The following TMEM192 variants were observed in gnomAD, a reference collection of about 807,000 sequenced individuals.
TMEM192 encodes transmembrane protein 192.
A neutral mutation model predicts 26.7 loss-of-function variants in TMEM192; 20 were observed. The ratio of observed to expected loss-of-function variants is 0.75; its 90% CI spans 0.53 to 1.09. The LOEUF is 1.09. Ranked by LOEUF, TMEM192 falls within the 50% of genes least tolerant of loss-of-function variation. TMEM192 has a pLI of 0.00. For synonymous variants in TMEM192, 124 were observed against 121.0 expected, an observed-to-expected ratio of 1.02 and a Z score of -0.16; for missense variants, 304 against 322.6, an observed-to-expected ratio of 0.94 and a Z score of 0.44.
Position 165,079,617 on chromosome 4 carries a change from C to G in TMEM192, c.*41G>C. Reference sequence around the variant, plus strand: ...TCAGGTGGTCAGTCAGTCTCAATTACTCTGGGTTCCTCTGCAATTGCTGTC... The same window carrying G: ...TCAGGTGGTCAGTCAGTCTCAATTAGTCTGGGTTCCTCTGCAATTGCTGTC... On this transcript the variant is annotated 3_prime_UTR_variant, in exon 6 of 6. Transcript: ENST00000306480. The G allele has an allele frequency of 6.3e-7, 1 of 1,583,034 alleles. No individual in the cohort carries two copies. The highest frequency in any genetic ancestry group is 8.6e-7 in the Non-Finnish European group (1 of 1,162,370).
chr4:165,093,746 T>G (rs1366530420), intron 3 of TMEM192, among the ~76,000 whole-genome samples: 1 of 152,082 alleles, frequency 6.6e-6, no homozygotes, highest in Admixed American at 6.6e-5. Context: ...AATGGTGACT[T>G]TTTTTTGAAA....
intron 3 of TMEM192, among the ~76,000 whole-genome samples, chr4:165,096,457 A>C (rs545707241): frequency 6.6e-6 from 1 of 151,962 alleles, no homozygotes; most frequent in South Asian, 2.1e-4. Flanking sequence ...AGAACAGATT[A>C]ATCAGGTAAA....
At chr4:165,099,394 T>C (rs539088879) in intron 3 of TMEM192, among the ~76,000 whole-genome samples, 8 of 152,254 alleles carry the variant, frequency 5.3e-5, no homozygotes, top group Admixed American at 2.0e-4. Flanking sequence ...CCATTTACTA[T>C]AACTTAATGC....
At position 165,100,781 on chromosome 4, in the gene TMEM192, TA is replaced by T; in HGVS notation, c.285del (p.Ile96Ter). The T allele has an allele frequency of 6.2e-7, 1 of 1,614,150 alleles. No individual in the cohort carries two copies. The highest frequency in any genetic ancestry group is 8.5e-7 in the Non-Finnish European group (1 of 1,180,030). On this transcript the variant is annotated frameshift_variant, in exon 3 of 6. Transcript: ENST00000306480. LOFTEE classifies it high-confidence loss of function. ...CACAAAATAACTTTCCCAAGGATTATAACCGTCTGAACTTTCAATGGGTTTG... is the reference window on the plus strand; with the variant it reads ...CACAAAATAACTTTCCCAAGGATTATACCGTCTGAACTTTCAATGGGTTTG... ...NYTNPLKVQT[V>X]IILGKVILWI...
chr4:165,111,130 C>G (rs368904784), intron 1 of TMEM192, among the ~76,000 whole-genome samples: 5 of 152,124 alleles, frequency 3.3e-5, no homozygotes, highest in Admixed American at 2.6e-4. Context: ...CTCGCTCTGT[C>G]GCTCTGTTGC....
At chr4:165,105,402 C>T (rs1397500497) in intron 1 of TMEM192, among the ~76,000 whole-genome samples, 2 of 152,176 alleles carry the variant, frequency 1.3e-5, no homozygotes, top group Admixed American at 1.3e-4. Context: ...AGGTCAGGCT[C>T]CTAAGGGCAA....
At chr4:165,098,912 G>C (rs1734976072) in intron 3 of TMEM192, among the ~76,000 whole-genome samples, 1 of 151,844 alleles carries the variant, frequency 6.6e-6, no homozygotes, top group Non-Finnish European at 1.5e-5. Context: ...ATGTTGGCCA[G>C]GCTGGTCTCG....
intron 4 of TMEM192, 43 bp downstream of exon 4, chr4:165,088,425 C>A: frequency 6.3e-7 from 1 of 1,575,770 alleles, no homozygotes; most frequent in Non-Finnish European, 8.6e-7. Context: ...GGAAAGGAAG[C>A]AGTTCGAAGT....
chr4:165,105,088 C>T (rs752619711), intron 1 of TMEM192, among the ~76,000 whole-genome samples: 24 of 152,228 alleles, frequency 1.6e-4, no homozygotes, highest in Admixed American at 4.6e-4. Flanking sequence ...TTTTTCAAAG[C>T]ATTCTGTGCT....
intron 3 of TMEM192, among the ~76,000 whole-genome samples, chr4:165,095,777 T>A (rs545570230): frequency 1.6e-4 from 25 of 152,102 alleles, no homozygotes; most frequent in South Asian, 4.2e-4. Context: ...ACTTGATTTT[T>A]AAAAATTTTT....
chr4:165,076,706 G>C lies in TMEM192; in HGVS notation c.*2952C>G, dbSNP rs561379159. On this transcript the variant is annotated 3_prime_UTR_variant, in exon 6 of 6. Transcript: ENST00000306480. ...TCTTTAGAATGTAAGCTGCCAACCAGAGTCTTTAATTTTTGTATCCTCAGT... is the reference window on the plus strand; with the variant it reads ...TCTTTAGAATGTAAGCTGCCAACCACAGTCTTTAATTTTTGTATCCTCAGT... The C allele has an allele frequency of 1.2e-3, 185 of 152,356 alleles. No homozygotes were observed. The highest frequency in any genetic ancestry group is 4.2e-3 in the African/African-American group (176 of 41,580). 9.4% of individuals were successfully genotyped at this position (152,356 alleles called of 1,614,324 possible).
At chr4:165,090,002 G>A (rs1188314225) in intron 3 of TMEM192, among the ~76,000 whole-genome samples, 3 of 151,832 alleles carry the variant, frequency 2.0e-5, no homozygotes, top group African/African-American at 7.3e-5. Flanking sequence ...ACCTGAGGTT[G>A]CGAGTTCGAG....
chr4:165,103,077 TGG>T lies in TMEM192; in HGVS notation c.45_46del (p.Gln16GlufsTer3). 6.2e-7 allele frequency: 1 copy of T among 1,611,280 alleles called. No homozygotes were observed. Among genetic ancestry groups the T allele is most frequent in the East Asian group, 2.2e-5 (1 of 44,796 alleles). Reference sequence around the variant, plus strand: ...CAGAAGTGGGTCGTCTTCAATACTCTGGGTGATATCCAAGGAACCCTGGGGTG... The same window carrying T: ...CAGAAGTGGGTCGTCTTCAATACTCTGTGATATCCAAGGAACCCTGGGGTG... On this transcript the variant is annotated frameshift_variant, in exon 2 of 6. Coordinates refer to ENST00000306480, the MANE Select transcript of TMEM192 (RefSeq NM_001100389.2). LOFTEE classifies it high-confidence loss of function.
chr4:165,079,611 C>G lies in TMEM192; in HGVS notation c.*47G>C. 6.4e-7 allele frequency: 1 copy of G among 1,569,636 alleles called. No individual in the cohort carries two copies. Among genetic ancestry groups the G allele is most frequent in the East Asian group, 2.3e-5 (1 of 43,154 alleles). ...AGCTTGTCAGGTGGTCAGTCAGTCT[C>G]AATTACTCTGGGTTCCTCTGCAATT... On this transcript the variant is annotated 3_prime_UTR_variant, in exon 6 of 6. Coordinates refer to ENST00000306480, the MANE Select transcript of TMEM192 (RefSeq NM_001100389.2).
At chr4:165,084,388 G>A (rs887811447) in intron 5 of TMEM192, among the ~76,000 whole-genome samples, 2 of 151,216 alleles carry the variant, frequency 1.3e-5, no homozygotes, top group Non-Finnish European at 1.5e-5. Flanking sequence ...TAGTAGAGAT[G>A]GGGTTTCATC....
At chr4:165,111,493 A>G (rs1735291990) in intron 1 of TMEM192, among the ~76,000 whole-genome samples, 1 of 151,802 alleles carries the variant, frequency 6.6e-6, no homozygotes, top group Non-Finnish European at 1.5e-5. Context: ...AGCATCAACC[A>G]AGAAGCACTT....
chr4:165,109,317 TC>T (rs1336182720), intron 1 of TMEM192, among the ~76,000 whole-genome samples: 2 of 152,194 alleles, frequency 1.3e-5, no homozygotes, highest in Non-Finnish European at 2.9e-5. Context: ...GAAAGACTGC[TC>T]AACTTCTTGT....
chr4:165,096,607 T>A (rs1462672323), intron 3 of TMEM192, among the ~76,000 whole-genome samples: 1 of 150,822 alleles, frequency 6.6e-6, no homozygotes, highest in Non-Finnish European at 1.5e-5. Flanking sequence ...AAGTCCTACA[T>A]CCTACATCTC....
At chr4:165,079,998 A>T (rs77771595) in intron 5 of TMEM192, among the ~76,000 whole-genome samples, 2,873 of 152,300 alleles carry the variant, frequency 0.019, 85 homozygotes, top group African/African-American at 0.063. Flanking sequence ...ATAAATTTAA[A>T]ATGCTATAAA....
Sources: gnomAD v4.1 joint callset for allele counts (sites outside exome capture counted in the v4.1 genomes callset) on GRCh38, gnomAD v4.1.1 for gene constraint, MANE v1.5 for transcripts, NCBI Gene and HGNC (gene_info 2026-07-23, HGNC 2026-07-21) for gene names.